ALCAM: variants seen among roughly 807,000 people sequenced by gnomAD.
ALCAM encodes the protein CD166 antigen.
In ALCAM, 30 loss-of-function variants were observed where a neutral mutation model predicts 70.9. That is an observed-to-expected ratio of 0.42 (90% CI 0.32 to 0.57). The LOEUF (loss-of-function observed/expected upper bound fraction) is 0.57, where lower values mean the gene tolerates loss of function less well. Among genes scored for constraint, ALCAM ranks in the 20% least tolerant of loss-of-function variants. The pLI, the probability that ALCAM is intolerant of heterozygous loss-of-function variation, is 0.11. For missense variants in ALCAM, 591 were observed against 695.1 expected (o/e 0.85, Z 1.68); for synonymous variants, 249 against 242.5 (o/e 1.03, Z -0.25).
intron 1 of ALCAM, among the ~76,000 whole-genome samples, chr3:105,457,848 C>G (rs1434123564): frequency 6.6e-6 from 1 of 152,042 alleles, no homozygotes; most frequent in Non-Finnish European, 1.5e-5. Context: ...TCTGTTTTAC[C>G]TGGAATGTCC....
intron 1 of ALCAM, among the ~76,000 whole-genome samples, chr3:105,448,634 C>A (rs1937351201): frequency 1.3e-5 from 2 of 152,138 alleles, no homozygotes; most frequent in Admixed American, 6.5e-5. Context: ...GTAAGAAAGT[C>A]ACTGACACAG....
chr3:105,550,085 C>A, intron 11 of ALCAM, 42 bp from the exon 12 acceptor site: 1 of 1,524,222 alleles, frequency 6.6e-7, no homozygotes, highest in Non-Finnish European at 9.0e-7. Flanking sequence ...GCTTTTTAAT[C>A]CATTTTGATT....
intron 1 of ALCAM, among the ~76,000 whole-genome samples, chr3:105,505,312 G>A (rs1282017095): frequency 6.6e-6 from 1 of 152,160 alleles, no homozygotes; most frequent in African/African-American, 2.4e-5. Flanking sequence ...CGTGGCGGAA[G>A]GTGAAGAGGA....
chr3:105,550,309 T>C, intron 12 of ALCAM, 50 bp downstream of exon 12: 4 of 1,535,456 alleles, frequency 2.6e-6, no homozygotes, highest in Non-Finnish European at 3.5e-6. Flanking sequence ...TTGAAGTTAT[T>C]CTTCATTAGT....
intron 15 of ALCAM, among the ~76,000 whole-genome samples, chr3:105,573,494 A>G (rs1386417450): frequency 6.6e-6 from 1 of 152,184 alleles, no homozygotes; most frequent in African/African-American, 2.4e-5. Flanking sequence ...ATGTATGTGT[A>G]TGTGTATATA....
rs549861249 is a variant in ALCAM, at chr3:105,437,104, A to T, written c.73+69623A>T. ...GGTGGGAGAGACAGTGTATATGTTG[A>T]CCTCTGGCAAAAATATTGGTGTAAA... On this transcript the variant is annotated intron_variant, in intron 1 of 15. Coordinates refer to ENST00000306107, the MANE Select transcript of ALCAM (RefSeq NM_001627.4). Among the ~76,000 whole-genome samples, 7 of 152,250 alleles carry T rather than the reference A, an allele frequency of 4.6e-5. No homozygotes were observed. The South Asian group carries it at 1.5e-3, about 32-fold the overall frequency.
At chr3:105,464,177 G>T (rs1225435465) in intron 1 of ALCAM, among the ~76,000 whole-genome samples, 1 of 151,064 alleles carries the variant, frequency 6.6e-6, no homozygotes, top group Non-Finnish European at 1.5e-5. Flanking sequence ...GTAAAATTAA[G>T]ATTTTTTTAA....
At chr3:105,464,784 G>A (rs1417722423) in intron 1 of ALCAM, among the ~76,000 whole-genome samples, 1 of 151,390 alleles carries the variant, frequency 6.6e-6, no homozygotes. Flanking sequence ...GGAAATATTA[G>A]TATGCATGCC....
intron 1 of ALCAM, among the ~76,000 whole-genome samples, chr3:105,416,813 T>C (rs1352038495): frequency 2.0e-5 from 3 of 152,028 alleles, no homozygotes; most frequent in Admixed American, 2.0e-4. Context: ...TTCATTTTCA[T>C]AATTCCTTGA....
intron 1 of ALCAM, among the ~76,000 whole-genome samples, chr3:105,476,952 G>T (rs1020212140): frequency 1.3e-5 from 2 of 152,028 alleles, no homozygotes; most frequent in African/African-American, 4.8e-5. Context: ...CCTCGTGATA[G>T]TTAATAAGTC....
At chr3:105,446,322 T>A (rs931592189) in intron 1 of ALCAM, among the ~76,000 whole-genome samples, 1 of 151,828 alleles carries the variant, frequency 6.6e-6, no homozygotes, top group African/African-American at 2.4e-5. Flanking sequence ...AGACAAAAAA[T>A]AACAAATGCT....
At chr3:105,381,898 T>C (rs950795945) in intron 1 of ALCAM, among the ~76,000 whole-genome samples, 1 of 151,582 alleles carries the variant, frequency 6.6e-6, no homozygotes, top group African/African-American at 2.4e-5. Flanking sequence ...TTTTTTATTG[T>C]CATATTTTAT....
At chr3:105,544,558 T>C (rs1028347375) in intron 8 of ALCAM, 1 of 152,050 alleles carries the variant, frequency 6.6e-6, no homozygotes, top group Non-Finnish European at 1.5e-5. Flanking sequence ...TCTACCTCAT[T>C]GACTTATAAG....
At chr3:105,406,054 A>G (rs1559780537) in intron 1 of ALCAM, among the ~76,000 whole-genome samples, 2 of 152,174 alleles carry the variant, frequency 1.3e-5, no homozygotes. Flanking sequence ...TTTCTAGGCT[A>G]TATGTCTATG....
intron 1 of ALCAM, among the ~76,000 whole-genome samples, chr3:105,399,329 C>G (rs950197638): frequency 2.0e-5 from 3 of 151,948 alleles, no homozygotes; most frequent in Non-Finnish European, 4.4e-5. Context: ...AAAGCTAGTG[C>G]AGTGATTGTT....
Position 105,524,880 on chromosome 3 carries a change from C to T in ALCAM, c.394+372C>T, listed in dbSNP as rs1041389646. The T allele has an allele frequency of 3.5e-5, 35 of 992,522 alleles. No individual in the cohort carries two copies. In the Admixed American group the frequency reaches 1.2e-3, roughly 33 times the overall value. 61.5% of individuals were successfully genotyped at this position (992,522 alleles called of 1,614,324 possible). A position where few individuals can be genotyped will look rare whatever the true frequency, so the allele number is the denominator to read the frequency against. ...GATATATATGTAATCATGTATATCA[C>T]GCATACATATACATGTATTTGGCTG... On this transcript the variant is annotated intron_variant, in intron 3 of 15. Transcript: ENST00000306107.
chr3:105,411,137 A>AAT (rs1936379341), intron 1 of ALCAM, among the ~76,000 whole-genome samples: 1 of 152,074 alleles, frequency 6.6e-6, no homozygotes. Context: ...AGATCTCAGG[A>AAT]ATAGTGAAGG....
rs558643528 is a variant in ALCAM at position 105,556,189 on chromosome 3, GA to G, written c.1664+3609del. On this transcript the variant is annotated intron_variant, in intron 14 of 15. Coordinates refer to ENST00000306107, the MANE Select transcript of ALCAM (RefSeq NM_001627.4). The stretch of plus-strand genomic sequence containing the variant: ...CATATCTCATAGTACAAGAACTAAT[GA>G]AAAATTAAAAGAGCTGAAGTTAAAG... Among the ~76,000 whole-genome samples the G allele has an allele frequency of 5.3e-5, 8 of 152,102 alleles. No homozygotes were observed. In the South Asian group the frequency reaches 1.7e-3, roughly 32 times the overall value.
intron 1 of ALCAM, among the ~76,000 whole-genome samples, chr3:105,396,535 A>C (rs1935955000): frequency 6.6e-6 from 1 of 152,066 alleles, no homozygotes. Flanking sequence ...GGTAGAAACA[A>C]AGGATGAACA....
Sources: gnomAD v4.1 joint callset for allele counts (sites outside exome capture counted in the v4.1 genomes callset) on GRCh38, gnomAD v4.1.1 for gene constraint, MANE v1.5 for transcripts, NCBI Gene and HGNC (gene_info 2026-07-23, HGNC 2026-07-21) for gene names.